The following ZNF799 variants were observed in gnomAD, a reference collection of about 807,000 sequenced individuals.
ZNF799 encodes zinc finger protein 799.
A neutral mutation model predicts 41.0 loss-of-function variants in ZNF799; 28 were observed. The ratio of observed to expected loss-of-function variants is 0.68; its 90% CI spans 0.51 to 0.94. The LOEUF is 0.94. Ranked by LOEUF, ZNF799 falls within the 40% of genes least tolerant of loss-of-function variation. The pLI is 0.00. For missense variants in ZNF799, 716 were observed against 764.3 expected (o/e 0.94, Z 0.74); for synonymous variants, 213 against 252.9 (o/e 0.84, Z 1.50).
the ZNF799 span, among the ~76,000 whole-genome samples, chr19:12,413,304 C>G: frequency 4.6e-5 from 7 of 152,036 alleles, no homozygotes; most frequent in Non-Finnish European, 1.0e-4. Context: ...ATGAGGAGTC[C>G]CCCTCCCTTC....
the ZNF799 span, among the ~76,000 whole-genome samples, chr19:12,412,251 A>G: frequency 2.0e-5 from 3 of 152,174 alleles, no homozygotes; most frequent in Non-Finnish European, 4.4e-5. Flanking sequence ...CTGGGCCCCA[A>G]TAAAGGCTTC....
At chr19:12,396,637 G>A (rs1313910225) in intron 1 of ZNF799, among the ~76,000 whole-genome samples, 1 of 151,790 alleles carries the variant, frequency 6.6e-6, no homozygotes, top group Middle Eastern at 3.2e-3. Flanking sequence ...CAACAAGAGC[G>A]AACCTCTGTC....
At chr19:12,392,844 C>T (rs1214535163) in intron 2 of ZNF799, among the ~76,000 whole-genome samples, 181 bp from the exon 3 acceptor site, 1 of 152,080 alleles carries the variant, frequency 6.6e-6, no homozygotes, top group Admixed American at 6.5e-5. Flanking sequence ...GAATGTTCTT[C>T]AGTCTCTGCT....
intron 1 of ZNF799, among the ~76,000 whole-genome samples, chr19:12,396,949 T>C (rs1288766905): frequency 6.6e-6 from 1 of 152,104 alleles, no homozygotes; most frequent in Admixed American, 6.5e-5. Context: ...AACACACAAA[T>C]ATATACATAT....
chr19:12,400,803 C>T (rs1461694691), intron 1 of ZNF799: 3 of 593,012 alleles, frequency 5.1e-6, no homozygotes, highest in Non-Finnish European at 8.8e-6. Flanking sequence ...GCCGCACAAT[C>T]TCGGGAGACG....
At chr19:12,392,502 T>C (rs937885711) in intron 3 of ZNF799, 101 bp downstream of exon 3, 1 of 1,188,152 alleles carries the variant, frequency 8.4e-7, no homozygotes, top group Non-Finnish European at 1.2e-6. Context: ...AATAAATAAA[T>C]TTAAGCTAGG....
chr19:12,390,078 A>G lies in ZNF799; in HGVS notation c.*388T>C. ...ACTATACTATGTTGATAGGCTGACA[A>G]TTACTGCATCTATACTGAAAATACA... On this transcript the variant is annotated 3_prime_UTR_variant, in exon 4 of 4. Coordinates refer to ENST00000430385, the MANE Select transcript of ZNF799 (RefSeq NM_001080821.3). 3.7e-6 allele frequency: 1 copy of G among 270,254 alleles called. No individual in the cohort carries two copies. 16.7% of individuals were successfully genotyped at this position (270,254 alleles called of 1,614,324 possible).
the ZNF799 span, among the ~76,000 whole-genome samples, chr19:12,412,840 G>A: frequency 6.6e-6 from 1 of 151,982 alleles, no homozygotes; most frequent in African/African-American, 2.4e-5. Context: ...GGGAGTTTGA[G>A]ACCAGCCTGA....
the ZNF799 span, among the ~76,000 whole-genome samples, chr19:12,413,296 G>A: frequency 6.6e-6 from 1 of 152,088 alleles, no homozygotes; most frequent in Admixed American, 6.5e-5. Flanking sequence ...ATTCACCAAT[G>A]AGGAGTCCCC....
At chr19:12,400,946 G>A in intron 1 of ZNF799, 122 bp downstream of exon 1, 2 of 1,584,476 alleles carry the variant, frequency 1.3e-6, no homozygotes, top group Non-Finnish European at 1.7e-6. Context: ...CCTACGCCAG[G>A]GGAACCCGGG....
rs1969856813 is a variant in ZNF799, at chr19:12,393,585, A to G, written c.4-162T>C. The G allele has an allele frequency of 2.2e-5, 31 of 1,439,974 alleles. No homozygotes were observed. The South Asian group carries it at 4.2e-4, about 20-fold the overall frequency. 89.2% of individuals were successfully genotyped at this position (1,439,974 alleles called of 1,614,324 possible). ...TCTGTCTACACTCACTTTCTCCTACACAGTAACTCTGAAGCTACAGTTAAA... is the reference window on the plus strand; with the variant it reads ...TCTGTCTACACTCACTTTCTCCTACGCAGTAACTCTGAAGCTACAGTTAAA... On this transcript the variant is annotated intron_variant, in intron 1 of 3. Coordinates refer to ENST00000430385, the MANE Select transcript of ZNF799 (RefSeq NM_001080821.3).
Position 12,401,194 on chromosome 19 carries a change from CGCCCAGCGCAGGTG to C in ZNF799, c.-138_-125del. 1.3e-6 allele frequency: 2 copies of C among 1,573,958 alleles called. No individual in the cohort carries two copies. The highest frequency in any genetic ancestry group is 1.7e-6 in the Non-Finnish European group (2 of 1,161,550). On this transcript the variant is annotated 5_prime_UTR_variant, in exon 1 of 4. Transcript: ENST00000430385. Reference sequence around the variant, plus strand: ...CTTAGCTACAGAGCCGAGCACCGAGCGCCCAGCGCAGGTGGGTGGAGAAGACGCCGCGGGCTTTT... The same window carrying C: ...CTTAGCTACAGAGCCGAGCACCGAGCGGTGGAGAAGACGCCGCGGGCTTTT...
the ZNF799 span, among the ~76,000 whole-genome samples, chr19:12,406,899 C>A: frequency 1.3e-5 from 2 of 151,044 alleles, no homozygotes; most frequent in African/African-American, 4.9e-5. Context: ...GACTTCTTCT[C>A]AAAAAAAATA....
chr19:12,402,416 C>CTTTTTTTTTTTTTTTTTT, upstream of ZNF799, among the ~76,000 whole-genome samples: 1 of 125,048 alleles, frequency 8.0e-6, no homozygotes, highest in Non-Finnish European at 1.6e-5. Context: ...CCCTTTATTT[C>CTTTTTTTTTTTTTTTTTT]TTTTTTTTTT....
At position 12,390,826 on chromosome 19, in the gene ZNF799, T is replaced by C. The variant is rs763226771; in HGVS notation, c.1572A>G (p.Arg524=). ...CATACGGCTTCTCTCCAGAGTGAATTCTTTCATGTACTTTTAAGTTACCAA... is the reference window on the plus strand; with the variant it reads ...CATACGGCTTCTCTCCAGAGTGAATCCTTTCATGTACTTTTAAGTTACCAA... ...SHFGNLKVHE[R]IHSGEKPYEC... Residue 524 remains arginine (R), a synonymous_variant, in exon 4 of 4, where the codon AGA becomes AGG. Coordinates refer to ENST00000430385, the MANE Select transcript of ZNF799 (RefSeq NM_001080821.3). 14 of 1,614,156 alleles carry C rather than the reference T, an allele frequency of 8.7e-6. No individual in the cohort carries two copies.
intron 1 of ZNF799, 193 bp from the exon 2 acceptor site, chr19:12,393,616 T>C (rs1969857223): frequency 2.2e-5 from 32 of 1,455,616 alleles, no homozygotes; most frequent in Non-Finnish European, 2.8e-5. Context: ...TTAAACATGT[T>C]TGGTAAATTA....
chr19:12,391,626 A>C lies in ZNF799; in HGVS notation c.772T>G (p.Cys258Gly). ...TGEKLYECKQ[C>G]SKAFPDYSSC... ...CTGTAATCAGGGAAGGCTTTAGAAC[A>C]CTGTTTACATTCATACAGTTTCTCC... is the stretch of plus-strand genomic sequence containing the variant. Residue 258 changes from cysteine (C) to glycine (G), a missense_variant, in exon 4 of 4, where the codon TGT (cysteine) becomes GGT (glycine). Physicochemically the swap from Cys to Gly is radical, Grantham distance 159. This residue lies in a region of ZNF799 where 698 missense variants were observed against 713.6 expected (regional missense o/e 0.98). Coordinates refer to ENST00000430385, the MANE Select transcript of ZNF799 (RefSeq NM_001080821.3). The C allele has an allele frequency of 6.2e-7, 1 of 1,612,380 alleles. No homozygotes were observed. The highest frequency in any genetic ancestry group is 8.5e-7 in the Non-Finnish European group (1 of 1,178,626).
At chr19:12,396,147 G>T (rs1457955755) in intron 1 of ZNF799, among the ~76,000 whole-genome samples, 7 of 152,168 alleles carry the variant, frequency 4.6e-5, no homozygotes, top group Admixed American at 2.0e-4. Flanking sequence ...AAATTATGAA[G>T]AATACAGAAA....
At chr19:12,408,771 C>T in the ZNF799 span, among the ~76,000 whole-genome samples, 2,019 of 152,236 alleles carry the variant, frequency 0.013, 55 homozygotes, top group African/African-American at 0.046. Flanking sequence ...TGGTGGCTCA[C>T]GCCTGTCATC....
Sources: gnomAD v4.1 joint callset for allele counts (sites outside exome capture counted in the v4.1 genomes callset) on GRCh38, gnomAD v4.1.1 for gene constraint, gnomAD v4.1.1 regional missense constraint, MANE v1.5 for transcripts, NCBI Gene and HGNC (gene_info 2026-07-23, HGNC 2026-07-21) for gene names.